Variants in TIRAP observed in about 807,000 individuals in gnomAD.
The protein encoded by TIRAP is TIR domain containing adaptor protein.
Under a neutral mutation model 19.8 loss-of-function variants are expected in TIRAP, and 20 were observed. The ratio of observed to expected loss-of-function variants is 1.01; its 90% CI spans 0.71 to 1.47. The LOEUF (loss-of-function observed/expected upper bound fraction) is 1.47, where lower values mean the gene tolerates loss of function less well. Among genes scored for constraint, TIRAP ranks in the 40% most tolerant of loss-of-function variants. TIRAP has a pLI of 0.00. For synonymous variants in TIRAP, 125 were observed against 121.7 expected (o/e 1.03, Z -0.18); for missense variants, 276 against 285.1 (o/e 0.97, Z 0.23).
At chr11:126,285,829 C>T (rs8177358) in intron 1 of TIRAP, among the ~76,000 whole-genome samples, 62 of 145,722 alleles carry the variant, frequency 4.3e-4, no homozygotes, top group African/African-American at 1.5e-3. Context: ...CTTGAGGCCA[C>T]GAGTTAGGAG....
At chr11:126,289,422 C>T (rs187568807) in intron 1 of TIRAP, among the ~76,000 whole-genome samples, 145 of 152,204 alleles carry the variant, frequency 9.5e-4, no homozygotes, top group African/African-American at 3.3e-3. Flanking sequence ...GGATTATAGG[C>T]GCCTGCCACC....
intron 1 of TIRAP, among the ~76,000 whole-genome samples, chr11:126,283,714 T>C (rs570197170): frequency 6.6e-6 from 1 of 152,238 alleles, no homozygotes; most frequent in East Asian, 1.9e-4. Flanking sequence ...GACAGACAGG[T>C]ACGCTAGAAT....
At chr11:126,292,327 G>A (rs1371836853) in intron 3 of TIRAP, 150 bp from the exon 4 acceptor site, 1 of 743,008 alleles carries the variant, frequency 1.3e-6, no homozygotes, top group East Asian at 2.7e-5. Flanking sequence ...AAATAGTGGA[G>A]CAACAGGTCT....
At position 126,291,314 on chromosome 11, in the gene TIRAP, C is replaced by A; in HGVS notation, c.67+353C>A. Reference sequence around the variant, plus strand: ...AGCCAAGCAGAGAGAGAAAATGAATCAATCCCCACCACAACTATCTGTCCT... The same window carrying A: ...AGCCAAGCAGAGAGAGAAAATGAATAAATCCCCACCACAACTATCTGTCCT... On this transcript the variant is annotated intron_variant, in intron 3 of 4. Transcript: ENST00000392679. The surrounding 1 kb of genome is among the most constrained non-coding windows in gnomAD (Gnocchi z 5.6). 1.6e-6 allele frequency: 1 copy of A among 630,306 alleles called. No individual in the cohort carries two copies. The allele number at this position is 630,306 out of a possible 1,614,324, so 39.0% of individuals were successfully genotyped here. A position where few individuals can be genotyped will look rare whatever the true frequency, so the allele number is the denominator to read the frequency against.
rs952441894 is a variant in TIRAP, at chr11:126,288,818, A to T, written c.-216-1644A>T. ...ATTATGTTAATTTTTAACCTTTAGAATATTTACAAATCAAATGATGCTCTA... is the reference window on the plus strand; with the variant it reads ...ATTATGTTAATTTTTAACCTTTAGATTATTTACAAATCAAATGATGCTCTA... On this transcript the variant is annotated intron_variant, in intron 1 of 4. Coordinates refer to ENST00000392679, the MANE Select transcript of TIRAP (RefSeq NM_001318777.2). The surrounding 1 kb of genome is among the most constrained non-coding windows in gnomAD (Gnocchi z 5.0). 6.6e-6 allele frequency among the ~76,000 whole-genome samples: 1 copy of T among 152,244 alleles called. No individual in the cohort carries two copies. The highest frequency in any genetic ancestry group is 1.5e-5 in the Non-Finnish European group (1 of 68,048).
At chr11:126,293,413 C>T in intron 4 of TIRAP, 1 of 705,600 alleles carries the variant, frequency 1.4e-6, no homozygotes, top group South Asian at 1.5e-5. Flanking sequence ...ACAGTAATAG[C>T]ATTAGGTTTC....
chr11:126,293,313 G>A (rs560550120), intron 4 of TIRAP: 33 of 733,114 alleles, frequency 4.5e-5, no homozygotes, highest in Admixed American at 2.0e-4. Flanking sequence ...GTATATACAC[G>A]AAGGGCTCAG....
At chr11:126,293,256 G>C (rs1409594846) in intron 4 of TIRAP, 2 of 959,382 alleles carry the variant, frequency 2.1e-6, no homozygotes, top group Admixed American at 2.0e-5. Flanking sequence ...TCTGTGCCTT[G>C]GTTTCCTCAC....
In TIRAP at chr11:126,286,231, G is replaced by A. The variant is rs540780734; in HGVS notation, c.-217+3078G>A. Among the ~76,000 whole-genome samples, 3 of 152,006 alleles carry A rather than the reference G, an allele frequency of 2.0e-5. No individual in the cohort carries two copies. In the East Asian group the frequency reaches 5.8e-4, roughly 29 times the overall value. Reference sequence around the variant, plus strand: ...AATACAAAAATTAGCTGGATGTGGTGGCGAGCACCTGTAGTCCCAGCTACT... The same window carrying A: ...AATACAAAAATTAGCTGGATGTGGTAGCGAGCACCTGTAGTCCCAGCTACT... On this transcript the variant is annotated intron_variant, in intron 1 of 4. Transcript: ENST00000392679.
chr11:126,294,691 CTT>C lies in TIRAP; in HGVS notation c.*1007_*1008del. The C allele has an allele frequency of 2.8e-6, 1 of 361,358 alleles. No individual in the cohort carries two copies. The highest frequency in any genetic ancestry group is 2.1e-5 in the South Asian group (1 of 48,144). 22.4% of individuals were successfully genotyped at this position (361,358 alleles called of 1,614,324 possible). A position where few individuals can be genotyped will look rare whatever the true frequency, so the allele number is the denominator to read the frequency against. ...ATTTCATTATTTCCTCCAATGTGTA[CTT>C]TTGTGCCCCCCTCTCACTTCTCCCT... On this transcript the variant is annotated 3_prime_UTR_variant, in exon 5 of 5. Transcript: ENST00000392679.
At position 126,287,610 on chromosome 11, in the gene TIRAP, T is replaced by C. The variant is rs1315079110; in HGVS notation, c.-216-2852T>C. ...CTGGGATTACAGGCATGAGCCACTG[T>C]GCCCAGCCCACTTTGGATTTTATAC... On this transcript the variant is annotated intron_variant, in intron 1 of 4. Transcript: ENST00000392679. The surrounding 1 kb of genome is among the most constrained non-coding windows in gnomAD (Gnocchi z 4.2). Among the ~76,000 whole-genome samples, 2 of 149,332 alleles carry C rather than the reference T, an allele frequency of 1.3e-5. No homozygotes were observed.
rs1382666654 is a variant in TIRAP at position 126,290,551 on chromosome 11, C to G, written c.-127C>G. The stretch of plus-strand genomic sequence containing the variant: ...CCTCCTGGCCAGGTGGAGCAGAGAA[C>G]AGTTCCTCAGCTGGTCATGCTGAGC... On this transcript the variant is annotated 5_prime_UTR_variant, in exon 2 of 5. Coordinates refer to ENST00000392679, the MANE Select transcript of TIRAP (RefSeq NM_001318777.2). The surrounding 1 kb of genome is among the most constrained non-coding windows in gnomAD (Gnocchi z 4.9). 9.6e-7 allele frequency: 1 copy of G among 1,038,940 alleles called. No individual in the cohort carries two copies. The highest frequency in any genetic ancestry group is 1.7e-5 in the African/African-American group (1 of 59,264). The allele number at this position is 1,038,940 out of a possible 1,614,324, so 64.4% of individuals were successfully genotyped here.
chr11:126,284,356 G>C (rs1951292741), intron 1 of TIRAP, among the ~76,000 whole-genome samples: 1 of 152,280 alleles, frequency 6.6e-6, no homozygotes, highest in South Asian at 2.1e-4. Context: ...TTACGTGTGT[G>C]ACGTCTGACA....
At chr11:126,289,294 T>C (rs750257806) in intron 1 of TIRAP, among the ~76,000 whole-genome samples, 45 of 152,348 alleles carry the variant, frequency 3.0e-4, no homozygotes, top group Non-Finnish European at 5.3e-4. Context: ...ATTTTTTTTA[T>C]TGAGATGGAG....
chr11:126,291,467 C>T lies in TIRAP; in HGVS notation c.67+506C>T. ...CTGCTGAAGAAGCCCAAGAAGAGGC[C>T]CGGCTCCCTGACATACCTGACACTG... On this transcript the variant is annotated intron_variant, in intron 3 of 4. Transcript: ENST00000392679. The surrounding 1 kb of genome is among the most constrained non-coding windows in gnomAD (Gnocchi z 5.6). The T allele has an allele frequency of 1.5e-6, 2 of 1,303,798 alleles. No homozygotes were observed. The highest frequency in any genetic ancestry group is 2.0e-6 in the Non-Finnish European group (2 of 987,016). The allele number at this position is 1,303,798 out of a possible 1,614,324, so 80.8% of individuals were successfully genotyped here.
intron 1 of TIRAP, chr11:126,289,950 C>T: frequency 2.1e-6 from 1 of 466,488 alleles, no homozygotes; most frequent in Non-Finnish European, 2.8e-6. Context: ...GACTTTGGAA[C>T]AGCACTGAAT....
In TIRAP at chr11:126,291,045, G is replaced by A; in HGVS notation, c.67+84G>A. 2 of 1,476,606 alleles carry A rather than the reference G, an allele frequency of 1.4e-6. No homozygotes were observed. Among genetic ancestry groups the A allele is most frequent in the Non-Finnish European group, 1.8e-6 (2 of 1,099,984 alleles). 91.5% of individuals were successfully genotyped at this position (1,476,606 alleles called of 1,614,324 possible). The stretch of plus-strand genomic sequence containing the variant: ...TAGGGCGCGGTGGGAGGCCTGCCTG[G>A]TCCAAACTCAGAGAGACGCAGGAAG... On this transcript the variant is annotated intron_variant, in intron 3 of 4. Transcript: ENST00000392679. This position sits in a 1 kb window ranked among gnomAD's most constrained non-coding sequence, Gnocchi z 5.6.
chr11:126,285,283 TGA>T, intron 1 of TIRAP, among the ~76,000 whole-genome samples: 1 of 136,036 alleles, frequency 7.4e-6, no homozygotes, highest in East Asian at 2.1e-4. Context: ...ATTTGATTTT[TGA>T]GACGGAGTCT....
Position 126,290,766 on chromosome 11 carries a change from T to G in TIRAP, c.-92-37T>G, listed in dbSNP as rs1438232427. On this transcript the variant is annotated intron_variant, in intron 2 of 4. Transcript: ENST00000392679. This position sits in a 1 kb window ranked among gnomAD's most constrained non-coding sequence, Gnocchi z 4.9. ...CCATGGGGAATGAGAGCAGGGTAAG[T>G]GCAGCCTTTGTGATTCTCTCTCTCT... 6.8e-7 allele frequency: 1 copy of G among 1,473,848 alleles called. No homozygotes were observed. The allele number at this position is 1,473,848 out of a possible 1,614,324, so 91.3% of individuals were successfully genotyped here. A position where few individuals can be genotyped will look rare whatever the true frequency, so the allele number is the denominator to read the frequency against.
Sources: gnomAD v4.1 joint callset for allele counts (sites outside exome capture counted in the v4.1 genomes callset) on GRCh38, gnomAD v4.1.1 for gene constraint, Gnocchi (gnomAD v3.1) non-coding constraint, MANE v1.5 for transcripts, NCBI Gene and HGNC (gene_info 2026-07-23, HGNC 2026-07-21) for gene names.